UBXN7: variants seen among roughly 807,000 people sequenced by gnomAD.
UBXN7 encodes the protein UBX domain-containing protein 7.
In UBXN7, 9 loss-of-function variants were observed where a neutral mutation model predicts 58.0. That is an observed-to-expected ratio of 0.16 (90% confidence interval 0.09 to 0.27). UBXN7 has a LOEUF of 0.27. Ranked by LOEUF, UBXN7 falls within the 10% of genes least tolerant of loss-of-function variation. The pLI, the probability that UBXN7 is intolerant of heterozygous loss-of-function variation, is 1.00. For synonymous variants in UBXN7, 208 were observed against 205.0 expected (o/e 1.01, Z -0.12); for missense variants, 328 against 599.6 (o/e 0.55, Z 4.73).
intron 5 of UBXN7, among the ~76,000 whole-genome samples, chr3:196,384,510 T>C (rs1451921738): frequency 1.5e-4 from 22 of 151,464 alleles, no homozygotes. Context: ...AGGAGAATTT[T>C]AGACCAATAT....
intron 1 of UBXN7, among the ~76,000 whole-genome samples, chr3:196,430,762 T>C (rs1731004704): frequency 6.6e-6 from 1 of 152,212 alleles, no homozygotes; most frequent in South Asian, 2.1e-4. Flanking sequence ...TCAGATTCAC[T>C]GCAAAGATTT....
chr3:196,389,231 A>G (rs1729505042), intron 5 of UBXN7, among the ~76,000 whole-genome samples: 1 of 152,172 alleles, frequency 6.6e-6, no homozygotes, highest in South Asian at 2.1e-4. Flanking sequence ...CCAGAATACT[A>G]GAAAGGATAG....
At chr3:196,384,140 T>C (rs1253712091) in intron 5 of UBXN7, among the ~76,000 whole-genome samples, 1 of 152,046 alleles carries the variant, frequency 6.6e-6, no homozygotes, top group Non-Finnish European at 1.5e-5. Context: ...CCCACAGAAA[T>C]ACAAACTACC....
At position 196,429,653 on chromosome 3, in the gene UBXN7, G is replaced by A. The variant is rs115708486; in HGVS notation, c.73+2674C>T. Reference sequence around the variant, plus strand: ...AATACCTTTTAATTATAAACACTACGATTAAAACGTATGTGGAGAGAACCC... The same window carrying A: ...AATACCTTTTAATTATAAACACTACAATTAAAACGTATGTGGAGAGAACCC... On this transcript the variant is annotated intron_variant, in intron 1 of 10. Coordinates refer to ENST00000296328, the MANE Select transcript of UBXN7 (RefSeq NM_015562.2). Among the ~76,000 whole-genome samples, 1,310 of 152,138 alleles carry A rather than the reference G, an allele frequency of 8.6e-3. 18 individuals are homozygous for A. Among genetic ancestry groups the A allele is most frequent in the African/African-American group, 0.029 (1,223 of 41,478 alleles).
intron 10 of UBXN7, among the ~76,000 whole-genome samples, chr3:196,359,643 G>A (rs985304863): frequency 3.3e-5 from 5 of 152,206 alleles, no homozygotes; most frequent in African/African-American, 9.6e-5. Flanking sequence ...GCCGGGAGCA[G>A]TGGCTCACAC....
At chr3:196,431,618 T>C (rs1731052635) in intron 1 of UBXN7, 1 of 173,040 alleles carries the variant, frequency 5.8e-6, no homozygotes, top group Admixed American at 6.5e-5. Context: ...GATTTTATTA[T>C]GGGGAGGTGG....
chr3:196,376,901 C>A (rs1183264924), intron 5 of UBXN7, among the ~76,000 whole-genome samples: 3 of 151,994 alleles, frequency 2.0e-5, no homozygotes, highest in African/African-American at 4.8e-5. Flanking sequence ...CAAAATTTAG[C>A]CAGGCATGGT....
chr3:196,421,166 A>C (rs1730670292), intron 1 of UBXN7, among the ~76,000 whole-genome samples: 1 of 152,212 alleles, frequency 6.6e-6, no homozygotes, highest in Non-Finnish European at 1.5e-5. Context: ...AGAGAAATCG[A>C]ATTACTAAGT....
Position 196,356,040 on chromosome 3 carries a change from T to A in UBXN7, c.*645A>T, listed in dbSNP as rs200773096. 1 of 72,080 alleles carries A rather than the reference T, an allele frequency of 1.4e-5. No individual in the cohort carries two copies. Among genetic ancestry groups the A allele is most frequent in the African/African-American group, 3.7e-5 (1 of 27,090 alleles). 4.5% of individuals were successfully genotyped at this position (72,080 alleles called of 1,614,324 possible). A position where few individuals can be genotyped will look rare whatever the true frequency, so the allele number is the denominator to read the frequency against. ...TAACACTCATTCTGCCAATAACACATGTCATGGAAATAGTCCTTATAGCTG... is the reference window on the plus strand; with the variant it reads ...TAACACTCATTCTGCCAATAACACAAGTCATGGAAATAGTCCTTATAGCTG... On this transcript the variant is annotated 3_prime_UTR_variant, in exon 11 of 11. Transcript: ENST00000296328.
intron 5 of UBXN7, among the ~76,000 whole-genome samples, chr3:196,379,510 C>T (rs1053004026): frequency 5.9e-5 from 9 of 152,146 alleles, no homozygotes; most frequent in African/African-American, 2.2e-4. Context: ...CAAGAGAACC[C>T]TTAATCCTAA....
Position 196,402,982 on chromosome 3 carries a change from T to C in UBXN7, c.259A>G (p.Ile87Val), listed in dbSNP as rs1378310713. 1.9e-6 allele frequency: 3 copies of C among 1,599,368 alleles called. No individual in the cohort carries two copies. ...AATAATGGTTCTGGTTCCACCAGTA[T>C]TTCCTGCTTTTGAGGAATTGGGGCA... ...VRAPIPQKQE[I>V]LVEPEPLFGA... is the part of the protein sequence containing the mutation. The change falls in exon 3 of 11, where the codon ATA (isoleucine) becomes GTA (valine). Residue 87 changes from isoleucine to valine, a missense_variant. Physicochemically the swap from Ile to Val is conservative, Grantham distance 29 (BLOSUM62 3). Around this residue, in one of 4 missense-constraint regions of UBXN7, gnomAD observed 106 missense variants for 124.3 expected, o/e 0.85. Coordinates refer to ENST00000296328, the MANE Select transcript of UBXN7 (RefSeq NM_015562.2).
At chr3:196,401,816 A>AAG (rs1729998298) in intron 3 of UBXN7, among the ~76,000 whole-genome samples, 7 of 132,126 alleles carry the variant, frequency 5.3e-5, no homozygotes, top group Admixed American at 3.0e-4. Context: ...AAGAAAAGAA[A>AAG]AGAGAAGAGA....
At chr3:196,386,350 G>A (rs1403307596) in intron 5 of UBXN7, among the ~76,000 whole-genome samples, 8 of 113,642 alleles carry the variant, frequency 7.0e-5, no homozygotes, top group Non-Finnish European at 1.0e-4. Context: ...CCCCCTCTCC[G>A]AGAAACACCC....
intron 8 of UBXN7, among the ~76,000 whole-genome samples, chr3:196,367,373 T>C (rs1051809290): frequency 1.3e-5 from 2 of 152,186 alleles, no homozygotes; most frequent in South Asian, 2.1e-4. Context: ...AAATTAAGTA[T>C]AGAAGTAAAT....
intron 5 of UBXN7, among the ~76,000 whole-genome samples, chr3:196,382,889 G>A (rs1361765679): frequency 4.6e-5 from 7 of 152,150 alleles, no homozygotes; most frequent in African/African-American, 1.7e-4. Context: ...GCCAAGGCAG[G>A]CAGATCACGA....
rs2108846653 is a variant in UBXN7, at chr3:196,393,617, G to A, written c.292C>T (p.Pro98Ser). The A allele has an allele frequency of 1.2e-6, 2 of 1,604,678 alleles. No individual in the cohort carries two copies. The highest frequency in any genetic ancestry group is 1.7e-5 in the Admixed American group (1 of 57,384). The stretch of plus-strand genomic sequence containing the variant: ...GAACGTGCAGGCCGTCGTCTTTTAG[G>A]AGCTTTGGGGAGAAAAAATAGAATT... Reference protein sequence around the residue: ...LVEPEPLFGAPKRRRPARSIF... With the variant: ...LVEPEPLFGASKRRRPARSIF... The change falls in exon 4 of 11, where the codon CCT becomes TCT. Residue 98 changes from proline to serine, a missense_variant and splice_region_variant. Pro to Ser is a moderately conservative substitution (Grantham distance 74). This residue lies in a region of UBXN7 where 106 missense variants were observed against 124.3 expected (regional missense o/e 0.85). Coordinates refer to ENST00000296328, the MANE Select transcript of UBXN7 (RefSeq NM_015562.2).
intron 1 of UBXN7, among the ~76,000 whole-genome samples, chr3:196,425,993 C>T (rs1283784804): frequency 2.0e-5 from 3 of 152,100 alleles, no homozygotes; most frequent in Non-Finnish European, 2.9e-5. Context: ...ACAGTTGTAT[C>T]CTTAAGATGT....
intron 3 of UBXN7, among the ~76,000 whole-genome samples, chr3:196,402,454 C>CA (rs1403650838): frequency 1.3e-5 from 2 of 152,118 alleles, no homozygotes; most frequent in African/African-American, 4.8e-5. Context: ...CTTTGGCTTA[C>CA]AAAAGGGAAA....
intron 4 of UBXN7, 56 bp downstream of exon 4, chr3:196,393,498 T>G (rs1194808160): frequency 1.3e-6 from 2 of 1,523,714 alleles, no homozygotes; most frequent in Admixed American, 4.0e-5. Context: ...TAATCATCTT[T>G]GTCTTTTTAA....
Sources: gnomAD v4.1 joint callset for allele counts (sites outside exome capture counted in the v4.1 genomes callset) on GRCh38, gnomAD v4.1.1 for gene constraint, gnomAD v4.1.1 regional missense constraint, MANE v1.5 for transcripts, NCBI Gene and HGNC (gene_info 2026-07-23, HGNC 2026-07-21) for gene names.